Variants in DENND5B observed in about 807,000 individuals in gnomAD.
The protein encoded by DENND5B is DENN domain containing 5B.
DENND5B carries 34 observed loss-of-function variants against 140.6 expected under a neutral mutation model. The ratio of observed to expected loss-of-function variants is 0.24; its 90% CI spans 0.18 to 0.32. The LOEUF (loss-of-function observed/expected upper bound fraction) is 0.32. Among genes scored for constraint, DENND5B ranks in the 10% least tolerant of loss-of-function variants. The probability of loss-of-function intolerance (pLI) is 1.00; values close to 1 mark genes in which losing one functional copy is unlikely to be tolerated. For synonymous variants in DENND5B, 551 were observed against 562.1 expected (o/e 0.98, Z 0.28); for missense variants, 1,142 against 1,560.2 (o/e 0.73, Z 4.52).
At chr12:31,537,381 C>G (rs1948540888) in intron 1 of DENND5B, among the ~76,000 whole-genome samples, 1 of 151,988 alleles carries the variant, frequency 6.6e-6, no homozygotes, top group South Asian at 2.1e-4. Context: ...TTTATGAAAA[C>G]AGTGTTAGGC....
At chr12:31,572,092 C>T (rs1007983367) in intron 1 of DENND5B, among the ~76,000 whole-genome samples, 13 of 151,918 alleles carry the variant, frequency 8.6e-5, no homozygotes, top group African/African-American at 1.5e-4. Context: ...GGTGTGGTGG[C>T]GCATGCCTGT....
chr12:31,450,554 A>C (rs539566609), intron 5 of DENND5B, among the ~76,000 whole-genome samples: 33 of 152,160 alleles, frequency 2.2e-4, no homozygotes, highest in African/African-American at 7.2e-4. Flanking sequence ...ATGAGTTCTC[A>C]CTATGTTGCC....
intron 8 of DENND5B, among the ~76,000 whole-genome samples, chr12:31,428,073 T>C (rs1049180232): frequency 1.3e-5 from 2 of 152,174 alleles, no homozygotes; most frequent in Non-Finnish European, 1.5e-5. Flanking sequence ...CCAATCATTT[T>C]AACAGTTGTC....
At chr12:31,417,746 G>A (rs1942824001) in intron 11 of DENND5B, among the ~76,000 whole-genome samples, 2 of 152,132 alleles carry the variant, frequency 1.3e-5, no homozygotes, top group Non-Finnish European at 2.9e-5. Context: ...TGCTCAATGA[G>A]ATGCCATGGA....
Position 31,573,306 on chromosome 12 carries a change from A to T in DENND5B, c.127+17400T>A, listed in dbSNP as rs116520553. On this transcript the variant is annotated intron_variant, in intron 1 of 20. Coordinates refer to ENST00000389082, the MANE Select transcript of DENND5B (RefSeq NM_144973.4). ...AAATGTAAGAAGTTACCTCTTCTACATTTGAAAAAAACACCAATCTCTCGC... is the reference window on the plus strand; with the variant it reads ...AAATGTAAGAAGTTACCTCTTCTACTTTTGAAAAAAACACCAATCTCTCGC... Among the ~76,000 whole-genome samples, 1,270 of 152,360 alleles carry T rather than the reference A, an allele frequency of 8.3e-3. 11 individuals carry two copies. The highest frequency in any genetic ancestry group is 0.028 in the African/African-American group (1,161 of 41,578).
At chr12:31,476,967 G>A (rs1000177000) in intron 3 of DENND5B, among the ~76,000 whole-genome samples, 2 of 152,084 alleles carry the variant, frequency 1.3e-5, no homozygotes, top group African/African-American at 4.8e-5. Flanking sequence ...AGTGGCTCAC[G>A]CCGGTAATCC....
At chr12:31,568,154 C>A (rs1188611196) in intron 1 of DENND5B, among the ~76,000 whole-genome samples, 1 of 152,146 alleles carries the variant, frequency 6.6e-6, no homozygotes, top group Non-Finnish European at 1.5e-5. Flanking sequence ...AATTCCATAC[C>A]TGAACTAATG....
Position 31,452,355 on chromosome 12 carries a change from A to C in DENND5B, c.1214T>G (p.Ile405Ser). 6.2e-7 allele frequency: 1 copy of C among 1,613,992 alleles called. No homozygotes were observed. The highest frequency in any genetic ancestry group is 8.5e-7 in the Non-Finnish European group (1 of 1,179,904). ...GCAATGTAGGCTGCCCTCAGGAGGGATCCCAAATTGAACAAGAACCTCAGA... is the reference window on the plus strand; with the variant it reads ...GCAATGTAGGCTGCCCTCAGGAGGGCTCCCAAATTGAACAAGAACCTCAGA... Reference protein sequence around the residue: ...ELSEVLVQFGIPPEGSLHCSE... With the variant: ...ELSEVLVQFGSPPEGSLHCSE... The change falls in exon 5 of 21, where the codon ATC (isoleucine) becomes AGC (serine). Residue 405 changes from isoleucine to serine, a missense_variant. This residue lies in a region of DENND5B where 708 missense variants were observed against 905.5 expected (regional missense o/e 0.78). Coordinates refer to ENST00000389082, the MANE Select transcript of DENND5B (RefSeq NM_144973.4).
In DENND5B at chr12:31,540,993, A is replaced by G. The variant is rs192815287; in HGVS notation, c.128-45074T>C. Reference sequence around the variant, plus strand: ...CAGTCAATGGTGCTGGGAAAACTGGATATCTTTACGCAGAAGAATGAAGGT... The same window carrying G: ...CAGTCAATGGTGCTGGGAAAACTGGGTATCTTTACGCAGAAGAATGAAGGT... On this transcript the variant is annotated intron_variant, in intron 1 of 20. Transcript: ENST00000389082. 1.9e-3 allele frequency: 852 copies of G among 455,176 alleles called. 1 individual carries two copies. Among genetic ancestry groups the G allele is most frequent in the Admixed American group, 3.6e-3 (151 of 42,480 alleles). 28.2% of individuals were successfully genotyped at this position (455,176 alleles called of 1,614,324 possible).
At chr12:31,424,919 A>C (rs1943168204) in intron 9 of DENND5B, among the ~76,000 whole-genome samples, 1 of 152,216 alleles carries the variant, frequency 6.6e-6, no homozygotes, top group Non-Finnish European at 1.5e-5. Flanking sequence ...AATATAAGAT[A>C]ATATTTGTAA....
At chr12:31,460,091 A>T (rs1234222027) in intron 4 of DENND5B, 103 bp downstream of exon 4, 12 of 1,173,536 alleles carry the variant, frequency 1.0e-5, no homozygotes, top group Non-Finnish European at 1.3e-5. Flanking sequence ...TAGGAGAGTC[A>T]AAGAGACAGA....
At chr12:31,480,934 T>C (rs540068332) in intron 2 of DENND5B, among the ~76,000 whole-genome samples, 11 of 152,262 alleles carry the variant, frequency 7.2e-5, no homozygotes, top group African/African-American at 2.4e-4. Context: ...CTACCCAGGA[T>C]TGAGGAAACT....
chr12:31,448,211 G>A (rs2138064460), intron 5 of DENND5B, among the ~76,000 whole-genome samples: 1 of 151,748 alleles, frequency 6.6e-6, no homozygotes, highest in South Asian at 2.1e-4. Flanking sequence ...TCGGCTCACT[G>A]CAAGCTCCCG....
chr12:31,488,353 T>G (rs1385091205), intron 2 of DENND5B, among the ~76,000 whole-genome samples: 2 of 152,166 alleles, frequency 1.3e-5, no homozygotes, highest in Non-Finnish European at 2.9e-5. Context: ...AAGATTTAAT[T>G]TAATTGATAG....
chr12:31,504,944 G>A (rs1376149519), intron 1 of DENND5B, among the ~76,000 whole-genome samples: 3 of 152,176 alleles, frequency 2.0e-5, no homozygotes, highest in Non-Finnish European at 4.4e-5. Flanking sequence ...GAAGAAAGTT[G>A]AGTCACTAAA....
chr12:31,569,991 C>T (rs1033961745), intron 1 of DENND5B, among the ~76,000 whole-genome samples: 27 of 151,936 alleles, frequency 1.8e-4, no homozygotes, highest in African/African-American at 4.3e-4. Flanking sequence ...GTCAGGAGAT[C>T]GAGACCATCC....
chr12:31,559,335 A>C (rs1490510145), intron 1 of DENND5B, among the ~76,000 whole-genome samples: 1 of 152,210 alleles, frequency 6.6e-6, no homozygotes, highest in Admixed American at 6.5e-5. Flanking sequence ...CTCCTATGCC[A>C]TATTATAGTC....
At chr12:31,584,510 T>G (rs1469033611) in intron 1 of DENND5B, among the ~76,000 whole-genome samples, 1 of 152,132 alleles carries the variant, frequency 6.6e-6, no homozygotes, top group Non-Finnish European at 1.5e-5. Context: ...TGAGGCTGGG[T>G]AGTCTATAAA....
At position 31,385,242 on chromosome 12, in the gene DENND5B, G is replaced by C. The variant is rs73288135; in HGVS notation, c.*2361C>G. 5.9e-5 allele frequency: 9 copies of C among 152,206 alleles called. No individual in the cohort carries two copies. Among genetic ancestry groups the C allele is most frequent in the African/African-American group, 2.2e-4 (9 of 41,544 alleles). The allele number at this position is 152,206 out of a possible 1,614,324, so 9.4% of individuals were successfully genotyped here. On this transcript the variant is annotated 3_prime_UTR_variant, in exon 21 of 21. Coordinates refer to ENST00000389082, the MANE Select transcript of DENND5B (RefSeq NM_144973.4). ...TAGAAAGACTATTAGTAAGAATGCC[G>C]GAAGGTCAGTCTCATGCAGCCTGGT...
Sources: gnomAD v4.1 joint callset for allele counts (sites outside exome capture counted in the v4.1 genomes callset) on GRCh38, gnomAD v4.1.1 for gene constraint, gnomAD v4.1.1 regional missense constraint, MANE v1.5 for transcripts, NCBI Gene and HGNC (gene_info 2026-07-23, HGNC 2026-07-21) for gene names.